Variants in TTC9 observed in about 807,000 individuals in gnomAD.
TTC9 encodes the protein tetratricopeptide repeat domain 9, also known as tetratricopeptide repeat protein 9A.
Under a neutral mutation model 22.9 loss-of-function variants are expected in TTC9, and 13 were observed. The observed-to-expected ratio is 0.57, with a 90% CI of 0.37 to 0.90. The LOEUF (loss-of-function observed/expected upper bound fraction) is 0.90, where lower values mean the gene tolerates loss of function less well. TTC9 is among the 40% of genes least tolerant of loss of function. The pLI, the probability that TTC9 is intolerant of heterozygous loss-of-function variation, is 0.01. For missense variants in TTC9, 280 were observed against 291.8 expected (o/e 0.96, Z 0.29); for synonymous variants, 148 against 133.2 (o/e 1.11, Z -0.77).
At chr14:70,654,197 C>T (rs970252018) in intron 1 of TTC9, among the ~76,000 whole-genome samples, 2 of 152,132 alleles carry the variant, frequency 1.3e-5, no homozygotes, top group Non-Finnish European at 2.9e-5. Context: ...GCCTAGGAAA[C>T]CCTTCTGAAT....
rs1029680267 is a variant in TTC9, at chr14:70,674,245, T to C, written c.*3090T>C. 11 of 152,212 alleles carry C rather than the reference T, an allele frequency of 7.2e-5. No homozygotes were observed. Among genetic ancestry groups the C allele is most frequent in the African/African-American group, 2.7e-4 (11 of 41,448 alleles). 9.4% of individuals were successfully genotyped at this position (152,212 alleles called of 1,614,324 possible). A position where few individuals can be genotyped will look rare whatever the true frequency, so the allele number is the denominator to read the frequency against. On this transcript the variant is annotated 3_prime_UTR_variant, in exon 3 of 3. Transcript: ENST00000256367. ...TCATCCCCTGCCTGGACTTTTGCGA[T>C]GGACTCTTTGGGGGAAAAACTAACG... is the stretch of plus-strand genomic sequence containing the variant.
In TTC9 at chr14:70,660,648, G is replaced by A. The variant is rs568388517; in HGVS notation, c.407-6916G>A. Among the ~76,000 whole-genome samples, 3 of 152,334 alleles carry A rather than the reference G, an allele frequency of 2.0e-5. No individual in the cohort carries two copies. The East Asian group carries it at 5.8e-4, about 29-fold the overall frequency. Reference sequence around the variant, plus strand: ...CGCCCTCGGGCCTGTGCTAGTGAGTGGCAGAGCTCAGATTCCAGCTCAAGA... The same window carrying A: ...CGCCCTCGGGCCTGTGCTAGTGAGTAGCAGAGCTCAGATTCCAGCTCAAGA... On this transcript the variant is annotated intron_variant, in intron 1 of 2. Transcript: ENST00000256367.
chr14:70,642,001 T>G lies in TTC9; in HGVS notation c.-129T>G. The G allele has an allele frequency of 3.9e-6, 2 of 507,452 alleles. No homozygotes were observed. The highest frequency in any genetic ancestry group is 5.1e-6 in the Non-Finnish European group (2 of 393,272). 31.4% of individuals were successfully genotyped at this position (507,452 alleles called of 1,614,324 possible). ...TGCGGGGCGCCAGACCGCCGCGGGG[T>G]GTCACGGCCGCCACGAAGCCTGCGA... On this transcript the variant is annotated 5_prime_UTR_variant, in exon 1 of 3. Transcript: ENST00000256367.
rs71105721 is a variant in TTC9, at chr14:70,659,132, GCA to G, written c.407-8403_407-8402del. On this transcript the variant is annotated intron_variant, in intron 1 of 2. Transcript: ENST00000256367. The stretch of plus-strand genomic sequence containing the variant: ...TGTATATAACTAAACACACACACAC[GCA>G]CACACACACACACACACACACACAC... 2.3e-3 allele frequency among the ~76,000 whole-genome samples: 329 copies of G among 144,294 alleles called. 1 individual carries two copies. The highest frequency in any genetic ancestry group is 7.1e-3 in the Middle Eastern group (2 of 280). The allele number at this position is 144,294 out of a possible 152,430, so 94.7% of individuals were successfully genotyped here. A position where few individuals can be genotyped will look rare whatever the true frequency, so the allele number is the denominator to read the frequency against.
chr14:70,649,232 G>A (rs1338300556), intron 1 of TTC9, among the ~76,000 whole-genome samples: 1 of 152,192 alleles, frequency 6.6e-6, no homozygotes, highest in African/African-American at 2.4e-5. Context: ...GGATTACCAT[G>A]ATGAGGCCAG....
chr14:70,674,923 T>G lies in TTC9; in HGVS notation c.*3768T>G, dbSNP rs903685926. 1 of 152,186 alleles carries G rather than the reference T, an allele frequency of 6.6e-6. No homozygotes were observed. Among genetic ancestry groups the G allele is most frequent in the South Asian group, 2.1e-4 (1 of 4,828 alleles). The allele number at this position is 152,186 out of a possible 1,614,324, so 9.4% of individuals were successfully genotyped here. On this transcript the variant is annotated 3_prime_UTR_variant, in exon 3 of 3. Coordinates refer to ENST00000256367, the MANE Select transcript of TTC9 (RefSeq NM_015351.2). ...TTTGCACATGTCTATAACGATTTCC[T>G]TAGGATAAACTCCAAGAAGAGACTT...
chr14:70,658,805 A>C (rs889550160), intron 1 of TTC9, among the ~76,000 whole-genome samples: 2 of 152,220 alleles, frequency 1.3e-5, no homozygotes, highest in Admixed American at 1.3e-4. Context: ...GAAACAGCGC[A>C]GATATCTTTC....
chr14:70,667,515 G>C, intron 1 of TTC9, 49 bp from the exon 2 acceptor site: 1 of 1,603,688 alleles, frequency 6.2e-7, no homozygotes, highest in Non-Finnish European at 8.5e-7. Flanking sequence ...GAAACATGCA[G>C]AGCTGGCCAC....
rs61046584 is a variant in TTC9 at position 70,654,587 on chromosome 14, C to CAAAAAAAAAAAAAAAAA, written c.406+12071_406+12087dup. Among the ~76,000 whole-genome samples, 46 of 57,150 alleles carry CAAAAAAAAAAAAAAAAA rather than the reference C, an allele frequency of 8.0e-4. 1 individual carries two copies. Among genetic ancestry groups the CAAAAAAAAAAAAAAAAA allele is most frequent in the South Asian group, 2.2e-3 (4 of 1,808 alleles). 37.5% of individuals were successfully genotyped at this position (57,150 alleles called of 152,430 possible). A position where few individuals can be genotyped will look rare whatever the true frequency, so the allele number is the denominator to read the frequency against. On this transcript the variant is annotated intron_variant, in intron 1 of 2. Coordinates refer to ENST00000256367, the MANE Select transcript of TTC9 (RefSeq NM_015351.2). Reference sequence around the variant, plus strand: ...CCTGGGCAACAGTAAGGCTCTGTCTCAAAAAAAAAAAAAAAAAAAAAAAAA... The same window carrying CAAAAAAAAAAAAAAAAA: ...CCTGGGCAACAGTAAGGCTCTGTCTCAAAAAAAAAAAAAAAAAAAAAAAAAAAAAAAAAAAAAAAAAA...
Position 70,642,462 on chromosome 14 carries a change from G to A in TTC9, c.333G>A (p.Lys111=), listed in dbSNP as rs762202283. 2 of 1,552,892 alleles carry A rather than the reference G, an allele frequency of 1.3e-6. No homozygotes were observed. The highest frequency in any genetic ancestry group is 8.7e-7 in the Non-Finnish European group (1 of 1,149,630). The part of the protein sequence containing the change: ...SRPASPAGAL[K]PGRLSEEQSK... ...CGGCCTCCCCGGCTGGGGCCCTGAA[G>A]CCCGGCCGCCTCTCGGAGGAGCAGA... The change falls in exon 1 of 3, where the codon AAG becomes AAA. Residue 111 remains lysine, a synonymous_variant. Coordinates refer to ENST00000256367, the MANE Select transcript of TTC9 (RefSeq NM_015351.2).
At chr14:70,663,531 C>A (rs1566700885) in intron 1 of TTC9, among the ~76,000 whole-genome samples, 1 of 152,198 alleles carries the variant, frequency 6.6e-6, no homozygotes, top group Admixed American at 6.5e-5. Flanking sequence ...CTTTAGATCC[C>A]AGCTATAATG....
At chr14:70,654,732 G>A (rs1244322942) in intron 1 of TTC9, among the ~76,000 whole-genome samples, 1 of 151,768 alleles carries the variant, frequency 6.6e-6, no homozygotes, top group Non-Finnish European at 1.5e-5. Context: ...AATGACTCGT[G>A]AATCGGGCAG....
chr14:70,654,814 A>G (rs1213797973), intron 1 of TTC9, among the ~76,000 whole-genome samples: 1 of 152,084 alleles, frequency 6.6e-6, no homozygotes, highest in African/African-American at 2.4e-5. Context: ...ACGAAACAGA[A>G]AAAGGAAAGC....
At chr14:70,652,737 G>A (rs1886003437) in intron 1 of TTC9, among the ~76,000 whole-genome samples, 1 of 152,200 alleles carries the variant, frequency 6.6e-6, no homozygotes, top group Non-Finnish European at 1.5e-5. Flanking sequence ...TTGGGGATGT[G>A]ATTCTGGGCC....
intron 2 of TTC9, among the ~76,000 whole-genome samples, chr14:70,670,782 C>A (rs935678694): frequency 1.3e-5 from 2 of 152,148 alleles, no homozygotes; most frequent in Non-Finnish European, 1.5e-5. Flanking sequence ...GGCTGGGAAA[C>A]CACTGGGATA....
At chr14:70,652,093 G>A (rs1389587959) in intron 1 of TTC9, among the ~76,000 whole-genome samples, 1 of 152,160 alleles carries the variant, frequency 6.6e-6, no homozygotes, top group Non-Finnish European at 1.5e-5. Flanking sequence ...AAACACTGGG[G>A]GTTAGATCAG....
intron 2 of TTC9, among the ~76,000 whole-genome samples, chr14:70,670,673 AT>A (rs1886281328): frequency 6.6e-6 from 1 of 151,838 alleles, no homozygotes; most frequent in Non-Finnish European, 1.5e-5. Context: ...ACAAAAAAAA[AT>A]AGAGGTTGTT....
chr14:70,658,803 G>A (rs1028366758), intron 1 of TTC9, among the ~76,000 whole-genome samples: 2 of 152,068 alleles, frequency 1.3e-5, no homozygotes, highest in African/African-American at 2.4e-5. Context: ...TGGAAACAGC[G>A]CAGATATCTT....
chr14:70,649,944 T>G (rs1885956180), intron 1 of TTC9, among the ~76,000 whole-genome samples: 1 of 152,176 alleles, frequency 6.6e-6, no homozygotes, highest in Non-Finnish European at 1.5e-5. Flanking sequence ...TGACCTGAAT[T>G]TGTATGGACA....
Sources: allele counts gnomAD v4.1 joint callset (sites outside exome capture counted in the v4.1 genomes callset), GRCh38; gene constraint gnomAD v4.1.1; transcripts MANE v1.5; gene names NCBI Gene and HGNC (gene_info 2026-07-23, HGNC 2026-07-21).